Variants in LAIR1 observed in about 807,000 individuals in gnomAD.
LAIR1 encodes the protein leukocyte associated immunoglobulin like receptor 1, also known as leukocyte-associated immunoglobulin-like receptor 1.
A neutral mutation model predicts 32.8 loss-of-function variants in LAIR1; 24 were observed. The observed-to-expected ratio is 0.73, with a 90% confidence interval of 0.53 to 1.03. The LOEUF is 1.03. Among genes scored for constraint, LAIR1 ranks in the 50% least tolerant of loss-of-function variants. The pLI is 0.00. For synonymous variants in LAIR1, 150 were observed against 140.5 expected (o/e 1.07, Z -0.48); for missense variants, 355 against 347.5 (o/e 1.02, Z -0.17).
intron 4 of LAIR1, chr19:54,358,077 AT>A (rs1378800833): frequency 6.8e-6 from 1 of 146,208 alleles, no homozygotes; most frequent in African/African-American, 2.5e-5. Flanking sequence ...TATAATGTTA[AT>A]TGTATATGAT....
At chr19:54,365,214 C>T, upstream of LAIR1, 3 of 272,136 alleles carry the variant, frequency 1.1e-5, no homozygotes, top group Non-Finnish European at 1.8e-5. Flanking sequence ...GCTGACATTT[C>T]CTTGTATTAC....
At position 54,361,172 on chromosome 19, in the gene LAIR1, G is replaced by C. The variant is rs774086835; in HGVS notation, c.108C>G (p.Gly36=). ...LPRPSISAEP[G]TVIPLGSHVT... ...CATGGCTCCCCAGGGGGATCACGGTGCCTGGCTCAGCCGAGATGGAGGGTC... is the reference window on the plus strand; with the variant it reads ...CATGGCTCCCCAGGGGGATCACGGTCCCTGGCTCAGCCGAGATGGAGGGTC... The change falls in exon 3 of 10, where the codon GGC becomes GGG. Residue 36 remains glycine (G), a synonymous_variant. Coordinates refer to ENST00000391742, the MANE Select transcript of LAIR1 (RefSeq NM_002287.6). 3.1e-6 allele frequency: 5 copies of C among 1,614,096 alleles called. 1 individual carries two copies. The South Asian group carries it at 5.5e-5, about 18-fold the overall frequency.
chr19:54,361,218 G>T lies in LAIR1; in HGVS notation c.71-9C>A. ...GGGTCTGGGCAGATCTTCTAGGAGG[G>T]AAGCAGAGCAGGATCTCAGCGTCCA... On this transcript the variant is annotated splice_polypyrimidine_tract_variant and intron_variant, in intron 2 of 9. Coordinates refer to ENST00000391742, the MANE Select transcript of LAIR1 (RefSeq NM_002287.6). The T allele has an allele frequency of 6.2e-7, 1 of 1,613,412 alleles. No homozygotes were observed. The highest frequency in any genetic ancestry group is 2.2e-5 in the East Asian group (1 of 44,844).
chr19:54,360,554 A>G (rs866371035), intron 3 of LAIR1: 5 of 410,726 alleles, frequency 1.2e-5, no homozygotes, highest in Non-Finnish European at 1.3e-5. Context: ...GTGGAAAGGA[A>G]TAAGCGGGAC....
At position 54,356,251 on chromosome 19, in the gene LAIR1, C is replaced by G; in HGVS notation, c.643G>C (p.Asp215His). The change falls in exon 8 of 10, where the codon GAT (aspartate) becomes CAT (histidine). Residue 215 changes from aspartate (D) to histidine (H), a missense_variant. Physicochemically the swap from Asp to His is moderately conservative, Grantham distance 81 (BLOSUM62 -1). Coordinates refer to ENST00000391742, the MANE Select transcript of LAIR1 (RefSeq NM_002287.6). Reference protein sequence around the residue: ...KPQQRPDLAVDVLERTADKAT... With the variant: ...KPQQRPDLAVHVLERTADKAT... ...TTACCTGCTGTCCTCTCTAGAACAT[C>G]AACAGCCAGGTCAGGCCTAAGAGGA... 6.2e-7 allele frequency: 1 copy of G among 1,613,430 alleles called. No homozygotes were observed.
chr19:54,373,385 A>T (rs1162919084), upstream of LAIR1, among the ~76,000 whole-genome samples: 2 of 152,144 alleles, frequency 1.3e-5, no homozygotes, highest in Admixed American at 6.5e-5. Context: ...CGGAGCTTGC[A>T]GTGAGCCGAG....
upstream of LAIR1, among the ~76,000 whole-genome samples, chr19:54,369,141 A>AT (rs2082343255): frequency 2.0e-5 from 3 of 151,294 alleles, no homozygotes; most frequent in South Asian, 6.3e-4. Flanking sequence ...AAAAAAAAAA[A>AT]AAAATTAACA....
At chr19:54,365,825 C>T (rs1000093839), upstream of LAIR1, among the ~76,000 whole-genome samples, 2 of 151,944 alleles carry the variant, frequency 1.3e-5, no homozygotes, top group African/African-American at 4.8e-5. Context: ...CGTCTGAACT[C>T]CCCTGATCAC....
At chr19:54,374,938 G>A (rs2082474944), upstream of LAIR1, among the ~76,000 whole-genome samples, 1 of 152,050 alleles carries the variant, frequency 6.6e-6, no homozygotes, top group Non-Finnish European at 1.5e-5. Flanking sequence ...GTCCTGGTGG[G>A]AGTCCGCTGT....
chr19:54,355,967 T>C lies in LAIR1; in HGVS notation c.704A>G (p.Glu235Gly). 1 of 1,606,498 alleles carries C rather than the reference T, an allele frequency of 6.2e-7. No individual in the cohort carries two copies. The highest frequency in any genetic ancestry group is 8.5e-7 in the Non-Finnish European group (1 of 1,172,904). Residue 235 changes from glutamate to glycine, a missense_variant, in exon 9 of 10, where the codon GAG (glutamate) becomes GGG (glycine). Transcript: ENST00000391742. The surrounding 1 kb of genome is among the most constrained non-coding windows in gnomAD (Gnocchi z 4.7). Reference protein sequence around the residue: ...TVNGLPEKDRETDTSALAAGS... With the variant: ...TVNGLPEKDRGTDTSALAAGS... Reference sequence around the variant, plus strand: ...AGGAAGGCTCACCGAGGTGTCCGTCTCTCTGTCCTTCTCAGGAAGTCCATT... The same window carrying C: ...AGGAAGGCTCACCGAGGTGTCCGTCCCTCTGTCCTTCTCAGGAAGTCCATT...
chr19:54,360,986 A>C lies in LAIR1; in HGVS notation c.294T>G (p.Leu98=), dbSNP rs1601303090. The change falls in exon 3 of 10, where the codon CTT becomes CTG. Residue 98 remains leucine, a synonymous_variant. Coordinates refer to ENST00000391742, the MANE Select transcript of LAIR1 (RefSeq NM_002287.6). The part of the protein sequence containing the change: ...IDSVREGNAG[L]YRCIYYKPPK... ...GGGGCTTATAATAGATGCAGCGATA[A>C]AGCCCGGCATTTCCTTCTCTTACTG... 2 of 1,614,136 alleles carry C rather than the reference A, an allele frequency of 1.2e-6. No individual in the cohort carries two copies. Among genetic ancestry groups the C allele is most frequent in the African/African-American group, 2.7e-5 (2 of 74,952 alleles).
upstream of LAIR1, among the ~76,000 whole-genome samples, chr19:54,365,681 T>C (rs2082229182): frequency 6.6e-6 from 1 of 151,722 alleles, no homozygotes; most frequent in Non-Finnish European, 1.5e-5. Flanking sequence ...ACTTGGAAGG[T>C]TGAGGCAGGA....
Position 54,356,616 on chromosome 19 carries a change from G to A in LAIR1, c.458C>T (p.Ala153Val), listed in dbSNP as rs752969996. The A allele has an allele frequency of 6.2e-7, 1 of 1,613,564 alleles. No homozygotes were observed. The highest frequency in any genetic ancestry group is 1.1e-5 in the South Asian group (1 of 91,072). ...AGCTTTCAGGCCTTGGGAAGCAGGTGCATCTAAGAAAGACAGAAACAGGAT... is the reference window on the plus strand; with the variant it reads ...AGCTTTCAGGCCTTGGGAAGCAGGTACATCTAAGAAAGACAGAAACAGGAT... ...RPSDNSHNEH[A>V]PASQGLKAEH... is the part of the protein sequence containing the mutation. Residue 153 changes from alanine to valine, a missense_variant, in exon 6 of 10, where the codon GCA becomes GTA. Transcript: ENST00000391742.
chr19:54,364,142 T>C lies in LAIR1; in HGVS notation c.70+153A>G, dbSNP rs1240961847. On this transcript the variant is annotated intron_variant, in intron 2 of 9. Transcript: ENST00000391742. This position sits in a 1 kb window ranked among gnomAD's most constrained non-coding sequence, Gnocchi z 4.8. The stretch of plus-strand genomic sequence containing the variant: ...GATGCGAGAGAGAACTGGGTGAGGG[T>C]TGGTTATGCATTTTACATTTGGAAG... 8.6e-5 allele frequency among the ~76,000 whole-genome samples: 13 copies of C among 151,376 alleles called. 1 individual carries two copies. The highest frequency in any genetic ancestry group is 6.6e-4 in the Admixed American group (10 of 15,210).
At position 54,364,841 on chromosome 19, in the gene LAIR1, C is replaced by T. The variant is rs751626453; in HGVS notation, c.-37G>A. 232 of 1,613,884 alleles carry T rather than the reference C, an allele frequency of 1.4e-4. 1 individual carries two copies. Among genetic ancestry groups the T allele is most frequent in the East Asian group, 6.2e-4 (28 of 44,892 alleles). On this transcript the variant is annotated 5_prime_UTR_variant, in exon 1 of 10. Transcript: ENST00000391742. This position sits in a 1 kb window ranked among gnomAD's most constrained non-coding sequence, Gnocchi z 4.8. ...CAGCAGTGCAGCCTGGCCTGAGGCG[C>T]ACCAATGCAAGGACAGAACTCTGCA...
At chr19:54,365,406 GCAAT>G (rs2082221206), upstream of LAIR1, among the ~76,000 whole-genome samples, 1 of 152,098 alleles carries the variant, frequency 6.6e-6, no homozygotes, top group Non-Finnish European at 1.5e-5. Flanking sequence ...TAAAAATTGG[GCAAT>G]CACTATAGAG....
Position 54,364,890 on chromosome 19 carries a change from G to A in LAIR1, c.-86C>T, listed in dbSNP as rs933412774. On this transcript the variant is annotated 5_prime_UTR_variant, in exon 1 of 10. Coordinates refer to ENST00000391742, the MANE Select transcript of LAIR1 (RefSeq NM_002287.6). The surrounding 1 kb of genome is among the most constrained non-coding windows in gnomAD (Gnocchi z 4.8). ...CAGCAGACACAAGCAGACAGGATGT[G>A]CTGCCCGGGGGCCTCCTGCCTATGG... The A allele has an allele frequency of 1.1e-4, 185 of 1,611,404 alleles. No homozygotes were observed. Among genetic ancestry groups the A allele is most frequent in the Admixed American group, 4.7e-4 (28 of 59,588 alleles).
Position 54,361,158 on chromosome 19 carries a change from A to C in LAIR1, c.122T>G (p.Leu41Arg). 5 of 1,614,146 alleles carry C rather than the reference A, an allele frequency of 3.1e-6. No individual in the cohort carries two copies. The highest frequency in any genetic ancestry group is 4.2e-6 in the Non-Finnish European group (5 of 1,179,996). ...ISAEPGTVIP[L>R]GSHVTFVCRG... is the part of the protein sequence containing the mutation. ...GCACACGAAAGTCACATGGCTCCCC[A>C]GGGGGATCACGGTGCCTGGCTCAGC... is the stretch of plus-strand genomic sequence containing the variant. The change falls in exon 3 of 10, where the codon CTG (leucine) becomes CGG (arginine). Residue 41 changes from leucine to arginine, a missense_variant. Coordinates refer to ENST00000391742, the MANE Select transcript of LAIR1 (RefSeq NM_002287.6).
At position 54,360,944 on chromosome 19, in the gene LAIR1, C is replaced by G. The variant is rs1329519849; in HGVS notation, c.336G>C (p.Gln112His). The change falls in exon 3 of 10, where the codon CAG becomes CAC. Residue 112 changes from glutamine to histidine, a missense_variant. Coordinates refer to ENST00000391742, the MANE Select transcript of LAIR1 (RefSeq NM_002287.6). ...TCACCAGCAGCTCCAGGTAGTCACT[C>G]TGCTCAGACCATTTAGGGGGCTTAT... ...IYYKPPKWSE[Q>H]SDYLELLVKE... 7 of 1,614,044 alleles carry G rather than the reference C, an allele frequency of 4.3e-6. No homozygotes were observed. The highest frequency in any genetic ancestry group is 1.7e-5 in the Admixed American group (1 of 60,026).
Sources: allele counts gnomAD v4.1 joint callset (sites outside exome capture counted in the v4.1 genomes callset), GRCh38; gene constraint gnomAD v4.1.1; non-coding constraint Gnocchi (gnomAD v3.1); transcripts MANE v1.5; gene names NCBI Gene and HGNC (gene_info 2026-07-23, HGNC 2026-07-21).